The following GNPTAB variants were observed in gnomAD, a reference collection of about 807,000 sequenced individuals.
GNPTAB encodes N-acetylglucosamine-1-phosphotransferase subunits alpha/beta.
Under a neutral mutation model 136.6 loss-of-function variants are expected in GNPTAB, and 92 were observed. The ratio of observed to expected loss-of-function variants is 0.67; its 90% CI spans 0.57 to 0.80. The LOEUF (loss-of-function observed/expected upper bound fraction) is 0.80, where lower values mean the gene tolerates loss of function less well. Ranked by LOEUF, GNPTAB falls within the 30% of genes least tolerant of loss-of-function variation. GNPTAB has a pLI of 0.00. For missense variants in GNPTAB, 1,343 were observed against 1,501.8 expected (o/e 0.89, Z 1.75); for synonymous variants, 512 against 535.1 (o/e 0.96, Z 0.60).
Position 101,753,421 on chromosome 12 carries a change from G to T in GNPTAB, c.3553C>A (p.Pro1185Thr). Residue 1185 changes from proline (P) to threonine (T), a missense_variant, in exon 19 of 21, where the codon CCA becomes ACA. Transcript: ENST00000299314. ...AGGAAACGGTTTCGATACTCTCTTG[G>T]CAGTTCAAATTGGGAAGGTATGGGG... is the stretch of plus-strand genomic sequence containing the variant. The part of the protein sequence containing the change: ...MFPIPSQFEL[P>T]REYRNRFLHM... The T allele has an allele frequency of 6.2e-7, 1 of 1,613,900 alleles. No individual in the cohort carries two copies. The highest frequency in any genetic ancestry group is 1.1e-5 in the South Asian group (1 of 91,072).
intron 5 of GNPTAB, among the ~76,000 whole-genome samples, chr12:101,781,932 C>T (rs1478340958): frequency 6.6e-6 from 1 of 152,224 alleles, no homozygotes. Context: ...ATAACAAAGA[C>T]ATACAGGCTC....
rs71438444 is a variant in GNPTAB at position 101,817,265 on chromosome 12, C to CTTTTTTT, written c.117+13287_117+13293dup. Reference sequence around the variant, plus strand: ...CCATTACCCAGATTTTATCATTCCACTTTTTTTTTTTTTTTTTTTTTTGAG... The same window carrying CTTTTTTT: ...CCATTACCCAGATTTTATCATTCCACTTTTTTTTTTTTTTTTTTTTTTTTTTTTTGAG... On this transcript the variant is annotated intron_variant, in intron 1 of 20. Coordinates refer to ENST00000299314, the MANE Select transcript of GNPTAB (RefSeq NM_024312.5). 2.8e-5 allele frequency among the ~76,000 whole-genome samples: 3 copies of CTTTTTTT among 108,188 alleles called. 1 individual carries two copies. Among genetic ancestry groups the CTTTTTTT allele is most frequent in the African/African-American group, 3.7e-5 (1 of 26,742 alleles). The allele number at this position is 108,188 out of a possible 152,430, so 71.0% of individuals were successfully genotyped here. A position where few individuals can be genotyped will look rare whatever the true frequency, so the allele number is the denominator to read the frequency against.
chr12:101,757,775 C>G, intron 16 of GNPTAB, 118 bp from the exon 17 acceptor site: 2 of 710,048 alleles, frequency 2.8e-6, no homozygotes, highest in Admixed American at 4.0e-5. Flanking sequence ...GTAAGAAAAA[C>G]ACCAACTGTG....
chr12:101,786,593 T>TACAA (rs1868664263), intron 4 of GNPTAB, among the ~76,000 whole-genome samples: 1 of 152,226 alleles, frequency 6.6e-6, no homozygotes, highest in Non-Finnish European at 1.5e-5. Flanking sequence ...TAGAGTGTCA[T>TACAA]GTTACCAGAT....
intron 19 of GNPTAB, among the ~76,000 whole-genome samples, chr12:101,750,137 A>T (rs556923450): frequency 1.3e-5 from 2 of 152,364 alleles, no homozygotes; most frequent in East Asian, 3.9e-4. Context: ...GAGGATAAAA[A>T]GAGGCAGTAC....
chr12:101,796,875 T>A, intron 1 of GNPTAB, 113 bp from the exon 2 acceptor site: 1 of 732,524 alleles, frequency 1.4e-6, no homozygotes, highest in East Asian at 2.5e-5. Context: ...GAAATCAAAA[T>A]TCATGTATTC....
rs1860088 is a variant in GNPTAB, at chr12:101,780,493, C to T, written c.636+64G>A. On this transcript the variant is annotated intron_variant, in intron 6 of 20. Coordinates refer to ENST00000299314, the MANE Select transcript of GNPTAB (RefSeq NM_024312.5). ...TAAAAAGATTCTCAAAGAAAAACAGCTTTATTATTCATATTTTTATTCTAG... is the reference window on the plus strand; with the variant it reads ...TAAAAAGATTCTCAAAGAAAAACAGTTTTATTATTCATATTTTTATTCTAG... 9,339 of 1,252,808 alleles carry T rather than the reference C, an allele frequency of 7.5e-3. 537 individuals carry two copies. In the African/African-American group the frequency reaches 0.13, roughly 17 times the overall value. 77.6% of individuals were successfully genotyped at this position (1,252,808 alleles called of 1,614,324 possible).
intron 18 of GNPTAB, among the ~76,000 whole-genome samples, chr12:101,753,769 A>T (rs1302004850): frequency 2.0e-5 from 3 of 152,238 alleles, no homozygotes; most frequent in Non-Finnish European, 4.4e-5. Flanking sequence ...GGAGTAAATT[A>T]ATTTAATGAC....
At chr12:101,788,286 G>A (rs1461219715) in intron 4 of GNPTAB, among the ~76,000 whole-genome samples, 1 of 152,184 alleles carries the variant, frequency 6.6e-6, no homozygotes, top group African/African-American at 2.4e-5. Context: ...TGCACCAAGA[G>A]GGAACTAAAG....
intron 10 of GNPTAB, among the ~76,000 whole-genome samples, chr12:101,768,773 T>C (rs572392892): frequency 6.6e-6 from 1 of 152,386 alleles, no homozygotes; most frequent in South Asian, 2.1e-4. Flanking sequence ...TGCCTTTGCA[T>C]ATTCTAATTG....
At chr12:101,784,681 A>G (rs923288371) in intron 5 of GNPTAB, among the ~76,000 whole-genome samples, 6 of 83,592 alleles carry the variant, frequency 7.2e-5, no homozygotes, top group Admixed American at 3.7e-4. Flanking sequence ...AATCATGTGG[A>G]AAAAAAAAAA....
intron 10 of GNPTAB, among the ~76,000 whole-genome samples, chr12:101,769,199 T>C (rs956219745): frequency 4.6e-5 from 7 of 152,216 alleles, no homozygotes; most frequent in African/African-American, 9.6e-5. Flanking sequence ...TTCCTCACTA[T>C]GCCAGAAAAC....
chr12:101,779,885 T>C lies in GNPTAB; in HGVS notation c.771+267A>G, dbSNP rs777457375. 2.0e-4 allele frequency: 96 copies of C among 480,542 alleles called. 1 individual carries two copies. The highest frequency in any genetic ancestry group is 3.3e-4 in the Non-Finnish European group (87 of 264,508). 29.8% of individuals were successfully genotyped at this position (480,542 alleles called of 1,614,324 possible). A position where few individuals can be genotyped will look rare whatever the true frequency, so the allele number is the denominator to read the frequency against. On this transcript the variant is annotated intron_variant, in intron 7 of 20. Transcript: ENST00000299314. ...GGAAGCTAAGCAGGGTTGGGCCTGGTTACTACTTGGATGGGAGACATTGTA... is the reference window on the plus strand; with the variant it reads ...GGAAGCTAAGCAGGGTTGGGCCTGGCTACTACTTGGATGGGAGACATTGTA...
chr12:101,746,861 G>A lies in GNPTAB; in HGVS notation c.*303C>T. 1 of 333,740 alleles carries A rather than the reference G, an allele frequency of 3.0e-6. No individual in the cohort carries two copies. The highest frequency in any genetic ancestry group is 5.6e-6 in the Non-Finnish European group (1 of 178,290). 20.7% of individuals were successfully genotyped at this position (333,740 alleles called of 1,614,324 possible). On this transcript the variant is annotated 3_prime_UTR_variant, in exon 21 of 21. Transcript: ENST00000299314. ...CTAATAAAGTTAGTCTGCAATGATT[G>A]CTGTGGGAAATTAACAGCTGTCTCT...
In GNPTAB at chr12:101,764,383, T is replaced by C. The variant is rs1156860348; in HGVS notation, c.2534A>G (p.Gln845Arg). The change falls in exon 13 of 21, where the codon CAG becomes CGG. Residue 845 changes from glutamine to arginine, a missense_variant. By Grantham distance (43) the Gln-to-Arg change is conservative (BLOSUM62 1). Coordinates refer to ENST00000299314, the MANE Select transcript of GNPTAB (RefSeq NM_024312.5). ...TGTGATTTTCTTTTCTTTTGTCATC[T>C]GGCTTTCCAGTGGAACAATCAGAGA... is the stretch of plus-strand genomic sequence containing the variant. ...PPSLIVPLES[Q>R]MTKEKKITGK... 6.2e-7 allele frequency: 1 copy of C among 1,613,954 alleles called. No individual in the cohort carries two copies. The highest frequency in any genetic ancestry group is 1.3e-5 in the African/African-American group (1 of 75,060).
chr12:101,811,095 C>T (rs974421150), intron 1 of GNPTAB, among the ~76,000 whole-genome samples: 2 of 152,126 alleles, frequency 1.3e-5, no homozygotes, highest in Non-Finnish European at 2.9e-5. Flanking sequence ...GATGAGAGAC[C>T]CGTGGAGCAG....
At chr12:101,797,891 A>G (rs1869389908) in intron 1 of GNPTAB, among the ~76,000 whole-genome samples, 1 of 152,118 alleles carries the variant, frequency 6.6e-6, no homozygotes, top group Non-Finnish European at 1.5e-5. Flanking sequence ...GATCTCATCA[A>G]CTTGTGTGTT....
chr12:101,787,844 C>T (rs971171376), intron 4 of GNPTAB, among the ~76,000 whole-genome samples: 13 of 138,370 alleles, frequency 9.4e-5, no homozygotes, highest in Non-Finnish European at 1.5e-4. Context: ...ACCTGGGAGG[C>T]GGAGGTTGCG....
chr12:101,771,008 G>A lies in GNPTAB; in HGVS notation c.921C>T (p.Ser307=), dbSNP rs749705502. ...GTGCATCCCTTACCTGGCTGATGGC[G>A]CTCAGATCCCATAATAAATATGCAG... ...ISPAYLLWDL[S]AISQSKQDED... Residue 307 remains serine (S), a synonymous_variant, in exon 8 of 21, where the codon AGC becomes AGT. Coordinates refer to ENST00000299314, the MANE Select transcript of GNPTAB (RefSeq NM_024312.5). 2.6e-5 allele frequency: 42 copies of A among 1,613,764 alleles called. No individual in the cohort carries two copies. Among genetic ancestry groups the A allele is most frequent in the South Asian group, 4.4e-5 (4 of 91,072 alleles).
Sources: allele counts gnomAD v4.1 joint callset (sites outside exome capture counted in the v4.1 genomes callset), GRCh38; gene constraint gnomAD v4.1.1; transcripts MANE v1.5; gene names NCBI Gene and HGNC (gene_info 2026-07-23, HGNC 2026-07-21).